GPR63: variants seen among roughly 807,000 people sequenced by gnomAD.
The protein encoded by GPR63 is G protein-coupled receptor 63, also known as probable G protein-coupled receptor 63.
A neutral mutation model predicts 23.1 loss-of-function variants in GPR63; 12 were observed. That is an observed-to-expected ratio of 0.52 (90% confidence interval 0.33 to 0.84). The LOEUF is 0.84. Among genes scored for constraint, GPR63 ranks in the 40% least tolerant of loss-of-function variants. GPR63 has a pLI of 0.02. For synonymous variants in GPR63, 172 were observed against 191.1 expected (o/e 0.90, Z 0.82); for missense variants, 472 against 515.6 (o/e 0.92, Z 0.82).
chr6:96,810,905 C>A (rs1176566558), intron 1 of GPR63, among the ~76,000 whole-genome samples: 1 of 152,140 alleles, frequency 6.6e-6, no homozygotes, highest in Non-Finnish European at 1.5e-5. Context: ...CTTCCTGTTT[C>A]CTGTATAAAA....
chr6:96,815,665 G>A (rs562953682), intron 1 of GPR63, among the ~76,000 whole-genome samples: 6 of 152,254 alleles, frequency 3.9e-5, no homozygotes, highest in Admixed American at 2.0e-4. Flanking sequence ...TGAAGATATC[G>A]CAGGTGTACA....
intron 1 of GPR63, among the ~76,000 whole-genome samples, chr6:96,831,669 C>T (rs560956801): frequency 2.6e-5 from 4 of 151,960 alleles, no homozygotes; most frequent in African/African-American, 4.8e-5. Flanking sequence ...CACTTTGGGA[C>T]GCTGAGGTAG....
chr6:96,809,686 T>C (rs1445300985), intron 1 of GPR63, among the ~76,000 whole-genome samples: 1 of 152,180 alleles, frequency 6.6e-6, no homozygotes, highest in African/African-American at 2.4e-5. Flanking sequence ...GAAAATGTCA[T>C]CTAAATATGG....
intron 1 of GPR63, among the ~76,000 whole-genome samples, chr6:96,833,250 T>G (rs1310706800): frequency 6.6e-6 from 1 of 152,178 alleles, no homozygotes; most frequent in Non-Finnish European, 1.5e-5. Flanking sequence ...CCAACTCCCT[T>G]TGTATCCACA....
At chr6:96,826,416 A>C (rs1774439906) in intron 1 of GPR63, among the ~76,000 whole-genome samples, 1 of 152,194 alleles carries the variant, frequency 6.6e-6, no homozygotes, top group South Asian at 2.1e-4. Context: ...CATATACAGA[A>C]ATTTCTAATT....
intron 1 of GPR63, among the ~76,000 whole-genome samples, chr6:96,834,233 G>C (rs1290204605): frequency 2.6e-5 from 4 of 152,150 alleles, no homozygotes; most frequent in Non-Finnish European, 4.4e-5. Context: ...ACCGCCTCAA[G>C]CCAACCAAAT....
rs376554598 is a variant in GPR63, at chr6:96,799,781, C to T, written c.-50G>A. 3.6e-5 allele frequency: 57 copies of T among 1,585,064 alleles called. No homozygotes were observed. The highest frequency in any genetic ancestry group is 4.9e-5 in the Non-Finnish European group (56 of 1,153,700). ...AGCAGAGATGCAGGAGTTCTTCAAGCATTTCAACACAGAACAGCAGTATCA... is the reference window on the plus strand; with the variant it reads ...AGCAGAGATGCAGGAGTTCTTCAAGTATTTCAACACAGAACAGCAGTATCA... On this transcript the variant is annotated 5_prime_UTR_variant, in exon 2 of 2. It removes an upstream start codon present in the reference 5' UTR. Coordinates refer to ENST00000229955, the MANE Select transcript of GPR63 (RefSeq NM_030784.4).
intron 1 of GPR63, among the ~76,000 whole-genome samples, chr6:96,820,336 T>C (rs566752153): frequency 6.6e-6 from 1 of 152,266 alleles, no homozygotes; most frequent in South Asian, 2.1e-4. Context: ...CAAATGGCAA[T>C]TGTTAAGTAA....
At chr6:96,806,431 T>C (rs1773900107) in intron 1 of GPR63, among the ~76,000 whole-genome samples, 1 of 152,166 alleles carries the variant, frequency 6.6e-6, no homozygotes, top group Non-Finnish European at 1.5e-5. Context: ...AAAGCTGCCA[T>C]ATTTGAGTAA....
intron 1 of GPR63, among the ~76,000 whole-genome samples, chr6:96,808,375 A>G (rs1443467944): frequency 6.6e-6 from 1 of 152,226 alleles, no homozygotes; most frequent in Non-Finnish European, 1.5e-5. Flanking sequence ...CCCAATGCAG[A>G]TGGTACAAAT....
chr6:96,803,844 A>C (rs961535363), intron 1 of GPR63, among the ~76,000 whole-genome samples: 1 of 152,242 alleles, frequency 6.6e-6, no homozygotes, highest in African/African-American at 2.4e-5. Context: ...TAACATTTAC[A>C]CAGGAGTCTT....
At chr6:96,830,752 T>C (rs1321147879) in intron 1 of GPR63, among the ~76,000 whole-genome samples, 5 of 152,218 alleles carry the variant, frequency 3.3e-5, no homozygotes, top group African/African-American at 1.2e-4. Flanking sequence ...GTTTCAAAAA[T>C]AAAAGGGAGA....
At position 96,827,587 on chromosome 6, in the gene GPR63, T is replaced by C. The variant is rs77653757; in HGVS notation, c.-151+9681A>G. ...AAAACATCAGATCAAAAATTCAGAA[T>C]AGACAGAGATAATATCTTCAAGGAG... On this transcript the variant is annotated intron_variant, in intron 1 of 1. Transcript: ENST00000229955. Among the ~76,000 whole-genome samples, 689 of 152,102 alleles carry C rather than the reference T, an allele frequency of 4.5e-3. 5 individuals are homozygous for C. The highest frequency in any genetic ancestry group is 3.5e-3 in the Non-Finnish European group (240 of 67,976).
At chr6:96,825,323 A>T (rs1774413292) in intron 1 of GPR63, among the ~76,000 whole-genome samples, 2 of 152,280 alleles carry the variant, frequency 1.3e-5, no homozygotes, top group South Asian at 4.1e-4. Context: ...TGAGCAGGAA[A>T]AAAATCAGAC....
At chr6:96,825,469 AT>A (rs775444929) in intron 1 of GPR63, among the ~76,000 whole-genome samples, 1 of 152,076 alleles carries the variant, frequency 6.6e-6, no homozygotes, top group Non-Finnish European at 1.5e-5. Flanking sequence ...GGCTTTTGAT[AT>A]GGAGTGTCTT....
chr6:96,803,408 T>A (rs1424462241), intron 1 of GPR63, among the ~76,000 whole-genome samples: 1 of 152,236 alleles, frequency 6.6e-6, no homozygotes, highest in Admixed American at 6.5e-5. Context: ...AATTGTCAAT[T>A]TCTCTAAGAA....
chr6:96,813,846 G>A (rs1020804556), intron 1 of GPR63, among the ~76,000 whole-genome samples: 3 of 152,150 alleles, frequency 2.0e-5, no homozygotes, highest in African/African-American at 4.8e-5. Flanking sequence ...CTCTGTCTCT[G>A]AGGAATAACT....
rs751600041 is a variant in GPR63, at chr6:96,795,119, CCA to C, written c.*3351_*3352del. 2.0e-5 allele frequency: 3 copies of C among 152,194 alleles called. No individual in the cohort carries two copies. The highest frequency in any genetic ancestry group is 4.8e-5 in the African/African-American group (2 of 41,444). The allele number at this position is 152,194 out of a possible 1,614,324, so 9.4% of individuals were successfully genotyped here. A position where few individuals can be genotyped will look rare whatever the true frequency, so the allele number is the denominator to read the frequency against. Reference sequence around the variant, plus strand: ...TAAAAATGCACATTCCTGGGCTCAACCACAGACCCTCTGGAGGCCCAGGAATC... The same window carrying C: ...TAAAAATGCACATTCCTGGGCTCAACCAGACCCTCTGGAGGCCCAGGAATC... On this transcript the variant is annotated 3_prime_UTR_variant, in exon 2 of 2. Transcript: ENST00000229955.
intron 1 of GPR63, among the ~76,000 whole-genome samples, chr6:96,835,781 AC>A (rs1335542925): frequency 1.3e-5 from 2 of 152,172 alleles, no homozygotes; most frequent in African/African-American, 4.8e-5. Flanking sequence ...TATATCCCAA[AC>A]AAAATTTTAC....
Sources: gnomAD v4.1 joint callset for allele counts (sites outside exome capture counted in the v4.1 genomes callset) on GRCh38, gnomAD v4.1.1 for gene constraint, MANE v1.5 for transcripts, NCBI Gene and HGNC (gene_info 2026-07-23, HGNC 2026-07-21) for gene names.